The following AGBL4 variants were observed in gnomAD, a reference collection of about 807,000 sequenced individuals.
The protein encoded by AGBL4 is AGBL carboxypeptidase 4.
A neutral mutation model predicts 66.4 loss-of-function variants in AGBL4; 58 were observed. The ratio of observed to expected loss-of-function variants is 0.87; its 90% confidence interval spans 0.71 to 1.09. AGBL4 has a LOEUF of 1.09. Ranked by LOEUF, AGBL4 falls within the 50% of genes least tolerant of loss-of-function variation. AGBL4 has a pLI of 0.00. For missense variants in AGBL4, 579 were observed against 631.0 expected (o/e 0.92, Z 0.88); for synonymous variants, 234 against 222.9 (o/e 1.05, Z -0.44).
chr1:49,050,371 C>G (rs866570326), intron 4 of AGBL4, among the ~76,000 whole-genome samples: 2 of 152,114 alleles, frequency 1.3e-5, no homozygotes, highest in African/African-American at 4.8e-5. Context: ...ATATTCCTTT[C>G]TCCACTATGA....
intron 4 of AGBL4, among the ~76,000 whole-genome samples, chr1:49,117,516 G>A (rs1645552349): frequency 6.6e-6 from 1 of 152,188 alleles, no homozygotes; most frequent in African/African-American, 2.4e-5. Context: ...GTTTCTCAAA[G>A]ATCAGATGGT....
intron 3 of AGBL4, among the ~76,000 whole-genome samples, chr1:49,340,508 C>CA (rs1645518179): frequency 6.6e-6 from 1 of 152,126 alleles, no homozygotes; most frequent in Admixed American, 6.5e-5. Flanking sequence ...ACTATTTACA[C>CA]AAAAAATACT....
At chr1:49,481,904 T>C (rs1646963402) in intron 3 of AGBL4, among the ~76,000 whole-genome samples, 1 of 151,368 alleles carries the variant, frequency 6.6e-6, no homozygotes, top group African/African-American at 2.4e-5. Flanking sequence ...TGTCTTTAGT[T>C]CTATTTGTGT....
rs568142747 is a variant in AGBL4, at chr1:49,956,936, GC to G, written c.34+66826del. On this transcript the variant is annotated intron_variant, in intron 1 of 13. Transcript: ENST00000371839. ...CCCTAGATTGTGGAGAGCTTTGGAT[GC>G]CTGGCTAAAGAATTTGTCTATACAG... 4.6e-4 allele frequency among the ~76,000 whole-genome samples: 70 copies of G among 152,080 alleles called. 1 individual carries two copies. The highest frequency in any genetic ancestry group is 1.5e-3 in the African/African-American group (63 of 41,550).
At chr1:48,572,214 C>T (rs558440118) in intron 11 of AGBL4, among the ~76,000 whole-genome samples, 45 of 152,224 alleles carry the variant, frequency 3.0e-4, no homozygotes, top group South Asian at 1.0e-3. Context: ...GGCACTGACA[C>T]AGGTCCCCTC....
chr1:49,249,244 A>C (rs911244465), intron 3 of AGBL4, among the ~76,000 whole-genome samples: 1 of 152,212 alleles, frequency 6.6e-6, no homozygotes, highest in African/African-American at 2.4e-5. Context: ...CAAGCTAAAA[A>C]AGCTTATGCA....
chr1:48,911,360 G>T (rs1391442993), intron 5 of AGBL4, among the ~76,000 whole-genome samples: 2 of 152,164 alleles, frequency 1.3e-5, no homozygotes, highest in Admixed American at 1.3e-4. Flanking sequence ...GCTCATGCCT[G>T]TAATCCCAGC....
rs1033954643 is a variant in AGBL4 at position 49,162,660 on chromosome 1, G to C, written c.377+83110C>G. ...TTTCTACTTTGTGTAGCAGTAGACA[G>C]GTTTTGGACTTTGAAATCTTTGACA... On this transcript the variant is annotated intron_variant, in intron 4 of 13. Transcript: ENST00000371839. Among the ~76,000 whole-genome samples the C allele has an allele frequency of 5.3e-5, 8 of 152,276 alleles. No individual in the cohort carries two copies. In the East Asian group the frequency reaches 1.4e-3, roughly 26 times the overall value.
At chr1:48,811,355 A>G (rs1646045328) in intron 6 of AGBL4, among the ~76,000 whole-genome samples, 1 of 152,212 alleles carries the variant, frequency 6.6e-6, no homozygotes, top group African/African-American at 2.4e-5. Flanking sequence ...ATAGACCTCT[A>G]GTGAGAAAGC....
At position 49,759,693 on chromosome 1, in the gene AGBL4, G is replaced by A. The variant is rs554921525; in HGVS notation, c.158-62256C>T. Among the ~76,000 whole-genome samples, 15 of 152,190 alleles carry A rather than the reference G, an allele frequency of 9.9e-5. No homozygotes were observed. In the East Asian group the frequency reaches 2.3e-3, roughly 24 times the overall value. The stretch of plus-strand genomic sequence containing the variant: ...CTCCGTGAATATAAAACTATTCTAT[G>A]GTGGAAACAACCCAAATGTCCATTA... On this transcript the variant is annotated intron_variant, in intron 2 of 13. Coordinates refer to ENST00000371839, the MANE Select transcript of AGBL4 (RefSeq NM_032785.4).
intron 1 of AGBL4, among the ~76,000 whole-genome samples, chr1:49,987,286 A>T (rs548060398): frequency 6.6e-6 from 1 of 152,226 alleles, no homozygotes; most frequent in Admixed American, 6.5e-5. Flanking sequence ...ATTTTCTAAG[A>T]AACAAGCCTT....
intron 6 of AGBL4, among the ~76,000 whole-genome samples, chr1:48,790,828 T>A (rs760796215): frequency 1.3e-5 from 2 of 152,198 alleles, no homozygotes; most frequent in African/African-American, 2.4e-5. Flanking sequence ...GGCACAAGCC[T>A]GTAGTCCCAG....
At chr1:48,960,080 G>T (rs77736817) in intron 5 of AGBL4, among the ~76,000 whole-genome samples, 111 of 152,146 alleles carry the variant, frequency 7.3e-4, no homozygotes, top group African/African-American at 2.6e-3. Flanking sequence ...GCAGAATCAG[G>T]GCCACCAGTT....
chr1:49,804,991 G>A (rs1267744713), intron 2 of AGBL4, among the ~76,000 whole-genome samples: 2 of 152,170 alleles, frequency 1.3e-5, no homozygotes, highest in African/African-American at 4.8e-5. Context: ...ACATCACGGT[G>A]TAGACTATAT....
At chr1:49,815,088 G>T (rs1645199664) in intron 2 of AGBL4, among the ~76,000 whole-genome samples, 1 of 151,966 alleles carries the variant, frequency 6.6e-6, no homozygotes, top group African/African-American at 2.4e-5. Flanking sequence ...TACTCACCCT[G>T]TTGCGCTATC....
chr1:48,700,294 G>T (rs1422960526), intron 6 of AGBL4, among the ~76,000 whole-genome samples: 1 of 152,196 alleles, frequency 6.6e-6, no homozygotes, highest in Non-Finnish European at 1.5e-5. Flanking sequence ...GCACATCCAG[G>T]CTCCCTCTGA....
chr1:48,771,969 T>G (rs1416257593), intron 6 of AGBL4, among the ~76,000 whole-genome samples: 2 of 152,196 alleles, frequency 1.3e-5, no homozygotes, highest in African/African-American at 4.8e-5. Context: ...CTACGGCAGG[T>G]TTCTGTTCTG....
chr1:49,041,740 C>G (rs1022802400), intron 5 of AGBL4, among the ~76,000 whole-genome samples: 4 of 152,100 alleles, frequency 2.6e-5, no homozygotes, highest in Non-Finnish European at 5.9e-5. Context: ...TGTGTTGAAT[C>G]TGAATAAAGG....
At chr1:49,682,337 G>A (rs575493353) in intron 3 of AGBL4, among the ~76,000 whole-genome samples, 9 of 152,250 alleles carry the variant, frequency 5.9e-5, no homozygotes, top group Non-Finnish European at 1.0e-4. Context: ...CTGGGAGGTG[G>A]AGGTTGCAGT....
Sources: allele counts gnomAD v4.1 joint callset (sites outside exome capture counted in the v4.1 genomes callset), GRCh38; gene constraint gnomAD v4.1.1; transcripts MANE v1.5; gene names NCBI Gene and HGNC (gene_info 2026-07-23, HGNC 2026-07-21).